Variants in ATM observed in about 807,000 individuals in gnomAD.
ATM encodes serine-protein kinase ATM.
Under a neutral mutation model 387.0 loss-of-function variants are expected in ATM, and 308 were observed. The ratio of observed to expected loss-of-function variants is 0.80; its 90% CI spans 0.73 to 0.87. The LOEUF is 0.87. Among genes scored for constraint, ATM ranks in the 40% least tolerant of loss-of-function variants. ATM has a pLI of 0.00. For missense variants in ATM, 3,312 were observed against 3,560.9 expected (o/e 0.93, Z 1.78); for synonymous variants, 1,156 against 1,187.3 (o/e 0.97, Z 0.54).
rs1057521739 is a variant in ATM, at chr11:108,267,360, A to T, written c.2638+18A>T. On this transcript the variant is annotated intron_variant, in intron 17 of 62. Transcript: ENST00000675843. Reference sequence around the variant, plus strand: ...TACCATAGGTAAATACATATTTACTACTTGGGATTTCTTTTACTTCTTTAT... The same window carrying T: ...TACCATAGGTAAATACATATTTACTTCTTGGGATTTCTTTTACTTCTTTAT... 6.2e-7 allele frequency: 1 copy of T among 1,611,662 alleles called. No homozygotes were observed. Among genetic ancestry groups the T allele is most frequent in the Admixed American group, 1.7e-5 (1 of 60,004 alleles).
chr11:108,301,764 A>G lies in ATM; in HGVS notation c.5294A>G (p.Gln1765Arg), dbSNP rs35556390. Residue 1765 changes from glutamine (Q) to arginine (R), a missense_variant, in exon 35 of 63, where the codon CAG (glutamine) becomes CGG (arginine). Physicochemically the swap from Gln to Arg is conservative, Grantham distance 43. Coordinates refer to ENST00000675843, the MANE Select transcript of ATM (RefSeq NM_000051.4). ...MTTDPMLAYL[Q>R]PFRTSRKKFL... is the part of the protein sequence containing the mutation. ...ACAGATCCAATGCTGGCCTATCTAC[A>G]GCCTTTTAGAACATCAAGAAAAAAG... 1.1e-5 allele frequency: 17 copies of G among 1,613,708 alleles called. No homozygotes were observed. The highest frequency in any genetic ancestry group is 1.4e-5 in the Non-Finnish European group (16 of 1,179,744).
At position 108,264,450 on chromosome 11, in the gene ATM, C is replaced by A. The variant is rs146774946; in HGVS notation, c.2467-2721C>A. ...TCAACAACCCTTCATGCCAAAAACT[C>A]TGAATAAATTAGGTATTGATGGGAC... is the stretch of plus-strand genomic sequence containing the variant. On this transcript the variant is annotated intron_variant, in intron 16 of 62. Coordinates refer to ENST00000675843, the MANE Select transcript of ATM (RefSeq NM_000051.4). Among the ~76,000 whole-genome samples, 378 of 152,296 alleles carry A rather than the reference C, an allele frequency of 2.5e-3. 3 individuals carry two copies. The highest frequency in any genetic ancestry group is 8.8e-3 in the African/African-American group (367 of 41,546).
At chr11:108,354,002 GC>G in intron 60 of ATM, 122 bp downstream of exon 60, 1 of 998,296 alleles carries the variant, frequency 1.0e-6, no homozygotes, top group Non-Finnish European at 1.6e-6. Flanking sequence ...GATTGTTTGA[GC>G]CCAGGAGTTT....
chr11:108,305,182 C>T (rs1157229840), intron 37 of ATM, among the ~76,000 whole-genome samples: 3 of 152,230 alleles, frequency 2.0e-5, no homozygotes, highest in Non-Finnish European at 4.4e-5. Flanking sequence ...GAAACACCCA[C>T]ATTCTAGCAA....
chr11:108,237,795 A>G, intron 5 of ATM, among the ~76,000 whole-genome samples: 1 of 151,656 alleles, frequency 6.6e-6, no homozygotes, highest in East Asian at 1.9e-4. Context: ...TGGGATTTTG[A>G]TACTAATTGC....
intron 39 of ATM, among the ~76,000 whole-genome samples, 195 bp downstream of exon 39, chr11:108,310,510 T>G (rs2084060691): frequency 6.6e-6 from 1 of 152,206 alleles, no homozygotes; most frequent in East Asian, 1.9e-4. Flanking sequence ...ATAGGAATGC[T>G]TATTACTTAG....
chr11:108,331,961 T>C lies in ATM; in HGVS notation c.7712T>C (p.Phe2571Ser), dbSNP rs1555124612. ...LALANANRDEFLTKPEVARRS... is the reference protein window; with the variant it reads ...LALANANRDESLTKPEVARRS... ...TTAGCAAATGCAAACAGAGATGAAT[T>C]TCTGACTAAACCAGAGGTAGCCAGA... Residue 2571 changes from phenylalanine to serine, a missense_variant, in exon 52 of 63, where the codon TTT (phenylalanine) becomes TCT (serine). Phe to Ser is a radical substitution (Grantham distance 155). Transcript: ENST00000675843. The C allele has an allele frequency of 6.2e-7, 1 of 1,614,102 alleles. No individual in the cohort carries two copies. Among genetic ancestry groups the C allele is most frequent in the Non-Finnish European group, 8.5e-7 (1 of 1,179,982 alleles).
In ATM at chr11:108,269,335, C is replaced by T. The variant is rs957567297; in HGVS notation, c.2838+726C>T. ...TACAGGTCCCTTGCTCTGAGTTTGT[C>T]TGATGTTTCCTTATGATTAAATTTA... On this transcript the variant is annotated intron_variant, in intron 18 of 62. Transcript: ENST00000675843. 1.1e-4 allele frequency among the ~76,000 whole-genome samples: 17 copies of T among 152,190 alleles called. No individual in the cohort carries two copies. In the South Asian group the frequency reaches 1.9e-3, roughly 17 times the overall value.
chr11:108,343,463 CTTTAA>C lies in ATM; in HGVS notation c.8418+96_8418+100del, dbSNP rs2087866641. ...TCAGATATTATAGAATACAAAAAAA[CTTTAA>C]TTTCATCAGGTAATTGTCAAAGATA... is the stretch of plus-strand genomic sequence containing the variant. On this transcript the variant is annotated intron_variant, in intron 57 of 62. Coordinates refer to ENST00000675843, the MANE Select transcript of ATM (RefSeq NM_000051.4). 36 of 1,482,682 alleles carry C rather than the reference CTTTAA, an allele frequency of 2.4e-5. No homozygotes were observed. The East Asian group carries it at 7.9e-4, about 33-fold the overall frequency. 91.8% of individuals were successfully genotyped at this position (1,482,682 alleles called of 1,614,324 possible).
chr11:108,268,367 T>G (rs759378977), intron 17 of ATM, 43 bp from the exon 18 acceptor site: 405 of 1,577,368 alleles, frequency 2.6e-4, no homozygotes, highest in African/African-American at 4.0e-5. Flanking sequence ...TATATGGCTG[T>G]TGTGCCCTTC....
rs183464559 is a variant in ATM, at chr11:108,318,782, C to G, written c.6348-1172C>G. 4.1e-3 allele frequency among the ~76,000 whole-genome samples: 631 copies of G among 152,130 alleles called. 2 individuals carry two copies. The highest frequency in any genetic ancestry group is 0.024 in the Middle Eastern group (7 of 294). ...GTTTTCTGAATGAAAAGCCAAGCAC[C>G]TAATCTAATAAAGGATTTCATATTT... On this transcript the variant is annotated intron_variant, in intron 43 of 62. Coordinates refer to ENST00000675843, the MANE Select transcript of ATM (RefSeq NM_000051.4).
At chr11:108,280,327 G>T (rs1262009240) in intron 23 of ATM, among the ~76,000 whole-genome samples, 1 of 152,050 alleles carries the variant, frequency 6.6e-6, no homozygotes, top group East Asian at 1.9e-4. Flanking sequence ...TTTAGAAAAA[G>T]ACCTAGGAAG....
chr11:108,295,228 C>A, intron 32 of ATM, 169 bp downstream of exon 32: 1 of 776,736 alleles, frequency 1.3e-6, no homozygotes, highest in East Asian at 2.8e-5. Context: ...CTGGTCTTCT[C>A]ACCCTGAACT....
chr11:108,341,061 CTAAGT>C (rs1289036844), intron 56 of ATM, among the ~76,000 whole-genome samples: 22 of 152,030 alleles, frequency 1.4e-4, no homozygotes, highest in Non-Finnish European at 3.1e-4. Flanking sequence ...TGACAATTCT[CTAAGT>C]TAAGTGATCT....
At chr11:108,273,802 C>T (rs1204884978) in intron 22 of ATM, among the ~76,000 whole-genome samples, 6 of 152,154 alleles carry the variant, frequency 3.9e-5, no homozygotes, top group African/African-American at 1.4e-4. Flanking sequence ...ATTTTCACAT[C>T]GATGTTCATC....
intron 22 of ATM, among the ~76,000 whole-genome samples, chr11:108,273,578 G>A (rs572605512): frequency 8.3e-4 from 126 of 152,050 alleles, no homozygotes; most frequent in African/African-American, 2.9e-3. Flanking sequence ...CTGACCTCAG[G>A]TGATCCACCC....
intron 61 of ATM, among the ~76,000 whole-genome samples, chr11:108,358,068 A>C (rs1480015934): frequency 2.7e-5 from 4 of 148,716 alleles, no homozygotes; most frequent in Non-Finnish European, 4.5e-5. Flanking sequence ...AAGAATGTAT[A>C]ACTAGAATAA....
chr11:108,308,047 T>G, intron 38 of ATM, 63 bp downstream of exon 38: 1 of 1,442,468 alleles, frequency 6.9e-7, no homozygotes, highest in East Asian at 2.3e-5. Flanking sequence ...AACTATCGGC[T>G]GAATTTTAAC....
intron 5 of ATM, among the ~76,000 whole-genome samples, chr11:108,240,008 G>T (rs1485801671): frequency 6.6e-6 from 1 of 152,160 alleles, no homozygotes; most frequent in Admixed American, 6.5e-5. Flanking sequence ...GCAAAACGGA[G>T]TGGAAAGTCC....
Sources: allele counts gnomAD v4.1 joint callset (sites outside exome capture counted in the v4.1 genomes callset), GRCh38; gene constraint gnomAD v4.1.1; transcripts MANE v1.5; gene names NCBI Gene and HGNC (gene_info 2026-07-23, HGNC 2026-07-21).